SLIT1: variants seen among roughly 807,000 people sequenced by gnomAD.
The protein encoded by SLIT1 is slit guidance ligand 1, also known as slit homolog 1 protein.
Under a neutral mutation model 186.1 loss-of-function variants are expected in SLIT1, and 66 were observed. That is an observed-to-expected ratio of 0.35 (90% CI 0.29 to 0.44). The LOEUF (loss-of-function observed/expected upper bound fraction) is 0.44, where lower values mean the gene tolerates loss of function less well. Among genes scored for constraint, SLIT1 ranks in the 20% least tolerant of loss-of-function variants. SLIT1 has a pLI of 1.00. For synonymous variants in SLIT1, 761 were observed against 833.8 expected, an observed-to-expected ratio of 0.91 and a Z score of 1.50; for missense variants, 1,638 against 2,037.4, an observed-to-expected ratio of 0.80 and a Z score of 3.77.
intron 28 of SLIT1, among the ~76,000 whole-genome samples, chr10:97,015,898 GT>G (rs1021663153): frequency 2.0e-5 from 3 of 151,978 alleles, no homozygotes; most frequent in African/African-American, 7.2e-5. Flanking sequence ...AATATATTTG[GT>G]TAGAAAAAAA....
At chr10:97,072,240 T>G (rs1230184774) in intron 4 of SLIT1, among the ~76,000 whole-genome samples, 1 of 152,232 alleles carries the variant, frequency 6.6e-6, no homozygotes, top group Non-Finnish European at 1.5e-5. Context: ...CTCACTGCAC[T>G]GTTGAAATCC....
intron 4 of SLIT1, among the ~76,000 whole-genome samples, chr10:97,069,460 G>C (rs150611043): frequency 7.2e-5 from 11 of 152,320 alleles, no homozygotes; most frequent in Non-Finnish European, 1.2e-4. Context: ...TGGTCTGCTG[G>C]GGACCCCCAA....
rs1412373335 is a variant in SLIT1 at position 97,063,341 on chromosome 10, CGGG to C, written c.793+111_793+113del. ...GTGATGGGTGGGGCCAGGTGATGGG[CGGG>C]GTCAGGAGGTGATGGGCAGGCCAGG... On this transcript the variant is annotated intron_variant, in intron 8 of 36. Transcript: ENST00000266058. 6.2e-6 allele frequency: 7 copies of C among 1,129,092 alleles called. No homozygotes were observed. The Admixed American group carries it at 1.3e-4, about 21-fold the overall frequency. The allele number at this position is 1,129,092 out of a possible 1,614,324, so 69.9% of individuals were successfully genotyped here. A position where few individuals can be genotyped will look rare whatever the true frequency, so the allele number is the denominator to read the frequency against.
At chr10:97,012,969 T>G (rs1848424601) in intron 30 of SLIT1, among the ~76,000 whole-genome samples, 1 of 152,190 alleles carries the variant, frequency 6.6e-6, no homozygotes, top group Non-Finnish European at 1.5e-5. Flanking sequence ...CTGCGTAACC[T>G]TCATAAAGCA....
At chr10:97,121,454 G>A (rs1424565769) in intron 4 of SLIT1, among the ~76,000 whole-genome samples, 1 of 152,178 alleles carries the variant, frequency 6.6e-6, no homozygotes, top group Non-Finnish European at 1.5e-5. Context: ...ACCAGGGCCT[G>A]TGGAAGTGCC....
At chr10:97,155,741 G>C (rs1304484783) in intron 4 of SLIT1, among the ~76,000 whole-genome samples, 1 of 152,180 alleles carries the variant, frequency 6.6e-6, no homozygotes, top group East Asian at 1.9e-4. Flanking sequence ...GGAGAGCAAG[G>C]GCAAAAGCTT....
chr10:97,021,963 G>T lies in SLIT1; in HGVS notation c.2583-550C>A, dbSNP rs1848505935. Among the ~76,000 whole-genome samples, 1 of 152,214 alleles carries T rather than the reference G, an allele frequency of 6.6e-6. No homozygotes were observed. Among genetic ancestry groups the T allele is most frequent in the South Asian group, 2.1e-4 (1 of 4,832 alleles). ...TGTGCAGAAACCGAGGCTCAAAAAG[G>T]CTGAGGAATTTGCCTAAGATCACAC... On this transcript the variant is annotated intron_variant, in intron 25 of 36. Transcript: ENST00000266058. The surrounding 1 kb of genome is among the most constrained non-coding windows in gnomAD (Gnocchi z 4.5).
In SLIT1 at chr10:97,185,460, G is replaced by A. The variant is rs778960192; in HGVS notation, c.197+18C>T. 17 of 1,607,864 alleles carry A rather than the reference G, an allele frequency of 1.1e-5. No individual in the cohort carries two copies. The highest frequency in any genetic ancestry group is 5.0e-5 in the Admixed American group (3 of 59,648). On this transcript the variant is annotated intron_variant, in intron 1 of 36. Transcript: ENST00000266058. ...GCAACCTCGGAGCCAGGGAGCCAGG[G>A]GCGGGGACCATACTCACAGGCGCTC...
rs1360810503 is a variant in SLIT1 at position 97,002,213 on chromosome 10, G to C, written c.4311C>G (p.Thr1437=). The C allele has an allele frequency of 1.3e-6, 2 of 1,581,810 alleles. No homozygotes were observed. The highest frequency in any genetic ancestry group is 1.1e-5 in the South Asian group (1 of 88,160). The change falls in exon 36 of 37, where the codon ACC becomes ACG. Residue 1437 remains threonine (T), a synonymous_variant. Transcript: ENST00000266058. ...CLHGHCQASG[T]KGAHCVCDPG... is the part of the protein sequence containing the mutation. ...GGTCACACACACAGTGTGCCCCCTT[G>C]GTGCCTGAGGCCTGGCAGTGGCCAT... is the stretch of plus-strand genomic sequence containing the variant.
At chr10:97,125,698 G>C (rs1021858649) in intron 4 of SLIT1, among the ~76,000 whole-genome samples, 2 of 151,992 alleles carry the variant, frequency 1.3e-5, no homozygotes, top group Non-Finnish European at 2.9e-5. Flanking sequence ...AATTAGATGG[G>C]CTTGGTGGTG....
At chr10:97,047,578 C>T in intron 16 of SLIT1, 112 bp downstream of exon 16, 1 of 1,104,458 alleles carries the variant, frequency 9.1e-7, no homozygotes, top group Admixed American at 1.9e-5. Context: ...GAGCCAGAGG[C>T]TCCAGTGGTT....
Position 97,043,376 on chromosome 10 carries a change from G to A in SLIT1, c.1991C>T (p.Ser664Phe), listed in dbSNP as rs1235227142. 1 of 1,613,518 alleles carries A rather than the reference G, an allele frequency of 6.2e-7. No homozygotes were observed. Among genetic ancestry groups the A allele is most frequent in the Non-Finnish European group, 8.5e-7 (1 of 1,179,982 alleles). The change falls in exon 19 of 37, where the codon TCC becomes TTC. Residue 664 changes from serine (S) to phenylalanine (F), a missense_variant. Transcript: ENST00000266058. This position sits in a 1 kb window ranked among gnomAD's most constrained non-coding sequence, Gnocchi z 7.0. ...PGAFDTLQSL[S>F]TLNLLANPFN... ...TCCTGGAGGCCGGACTCACAGTGTG[G>A]AGAGGGACTGGAGGGTGTCGAAGGC...
intron 1 of SLIT1, among the ~76,000 whole-genome samples, chr10:97,165,505 C>T (rs1035719029): frequency 1.1e-4 from 17 of 152,158 alleles, no homozygotes; most frequent in South Asian, 4.2e-4. Context: ...CTGCACACGA[C>T]GGGGAGGGAG....
rs1196969435 is a variant in SLIT1, at chr10:97,006,900, A to G, written c.3342-180T>C. Among the ~76,000 whole-genome samples, 2 of 152,198 alleles carry G rather than the reference A, an allele frequency of 1.3e-5. No individual in the cohort carries two copies. Among genetic ancestry groups the G allele is most frequent in the South Asian group, 2.1e-4 (1 of 4,832 alleles). On this transcript the variant is annotated intron_variant, in intron 31 of 36. Transcript: ENST00000266058. This position sits in a 1 kb window ranked among gnomAD's most constrained non-coding sequence, Gnocchi z 4.0. Reference sequence around the variant, plus strand: ...GAGAGCCAGAAGGATACCAGGATACAAGTATGGTCCCTGGTCCAGCAGCGT... The same window carrying G: ...GAGAGCCAGAAGGATACCAGGATACGAGTATGGTCCCTGGTCCAGCAGCGT...
At chr10:97,179,974 C>T (rs964178649) in intron 1 of SLIT1, among the ~76,000 whole-genome samples, 1 of 152,238 alleles carries the variant, frequency 6.6e-6, no homozygotes, top group East Asian at 1.9e-4. Flanking sequence ...GCGGCAACTC[C>T]GCCAAGCACC....
In SLIT1 at chr10:97,043,827, A is replaced by G. The variant is rs571352661; in HGVS notation, c.1854-314T>C. On this transcript the variant is annotated intron_variant, in intron 18 of 36. Transcript: ENST00000266058. This position sits in a 1 kb window ranked among gnomAD's most constrained non-coding sequence, Gnocchi z 7.0. ...CAGAGTTCCTGCCCGTCTTTAGGCC[A>G]TGCTCCACATCAGTGCCCAGGAGAC... 6.6e-6 allele frequency among the ~76,000 whole-genome samples: 1 copy of G among 152,190 alleles called. No individual in the cohort carries two copies. Among genetic ancestry groups the G allele is most frequent in the South Asian group, 2.1e-4 (1 of 4,818 alleles).
intron 28 of SLIT1, among the ~76,000 whole-genome samples, chr10:97,016,142 C>G (rs1848453337): frequency 6.6e-6 from 1 of 152,066 alleles, no homozygotes; most frequent in Admixed American, 6.5e-5. Context: ...AACCCCGTCT[C>G]TACTAAAAAT....
chr10:97,051,823 A>AG (rs1394440437), intron 13 of SLIT1, among the ~76,000 whole-genome samples: 1 of 151,750 alleles, frequency 6.6e-6, no homozygotes, highest in East Asian at 1.9e-4. Context: ...AAAAAAAAAA[A>AG]AAAAGAAAGG....
Position 97,094,210 on chromosome 10 carries a change from C to T in SLIT1, c.414-28124G>A, listed in dbSNP as rs150046735. On this transcript the variant is annotated intron_variant, in intron 4 of 36. Transcript: ENST00000266058. Reference sequence around the variant, plus strand: ...ATTCAAGGCAGCTAGTACCAGAGCTCGTGCTGGAACCAGAACCTCCAGGGC... The same window carrying T: ...ATTCAAGGCAGCTAGTACCAGAGCTTGTGCTGGAACCAGAACCTCCAGGGC... Among the ~76,000 whole-genome samples the T allele has an allele frequency of 2.3e-3, 348 of 152,336 alleles. 6 individuals are homozygous for T. The highest frequency in any genetic ancestry group is 0.013 in the East Asian group (66 of 5,192).
Sources: gnomAD v4.1 joint callset for allele counts (sites outside exome capture counted in the v4.1 genomes callset) on GRCh38, gnomAD v4.1.1 for gene constraint, Gnocchi (gnomAD v3.1) non-coding constraint, MANE v1.5 for transcripts, NCBI Gene and HGNC (gene_info 2026-07-23, HGNC 2026-07-21) for gene names.